Variants in TBC1D5 observed in about 807,000 individuals in gnomAD.
TBC1D5 encodes the protein TBC1 domain family, member 5.
In TBC1D5, 75 loss-of-function variants were observed where a neutral mutation model predicts 100.3. The ratio of observed to expected loss-of-function variants is 0.75; its 90% CI spans 0.62 to 0.91. The LOEUF (loss-of-function observed/expected upper bound fraction) is 0.91, where lower values mean the gene tolerates loss of function less well. Among genes scored for constraint, TBC1D5 ranks in the 40% least tolerant of loss-of-function variants. The pLI is 0.00. For missense variants in TBC1D5, 910 were observed against 942.4 expected, an observed-to-expected ratio of 0.97 and a Z score of 0.45; for synonymous variants, 323 against 325.6, an observed-to-expected ratio of 0.99 and a Z score of 0.09.
At chr3:17,663,195 G>A (rs1224745752) in intron 1 of TBC1D5, 1 of 151,562 alleles carries the variant, frequency 6.6e-6, no homozygotes, top group African/African-American at 2.4e-5. Context: ...AACTTTATTA[G>A]GTATTTTTTA....
chr3:17,461,842 T>C (rs2095216785), intron 3 of TBC1D5, among the ~76,000 whole-genome samples: 1 of 152,172 alleles, frequency 6.6e-6, no homozygotes, highest in African/African-American at 2.4e-5. Flanking sequence ...ATCCCTTTAA[T>C]TTCTCCTCCC....
intron 14 of TBC1D5, among the ~76,000 whole-genome samples, chr3:17,303,553 G>C (rs2083075899): frequency 6.6e-6 from 1 of 152,046 alleles, no homozygotes; most frequent in African/African-American, 2.4e-5. Context: ...ACAATCCCTT[G>C]GTCTTCAAGA....
intron 13 of TBC1D5, among the ~76,000 whole-genome samples, chr3:17,338,034 A>G (rs1440125505): frequency 6.6e-6 from 1 of 152,196 alleles, no homozygotes; most frequent in Non-Finnish European, 1.5e-5. Context: ...ATCCACAGAG[A>G]GGCCAAAGAA....
At chr3:17,464,435 C>G (rs897842199) in intron 3 of TBC1D5, among the ~76,000 whole-genome samples, 3 of 152,116 alleles carry the variant, frequency 2.0e-5, no homozygotes, top group African/African-American at 7.2e-5. Flanking sequence ...TTATTCTCTC[C>G]TTTCTCCTTT....
chr3:17,532,617 A>T (rs1208016835), intron 2 of TBC1D5, among the ~76,000 whole-genome samples: 5 of 152,218 alleles, frequency 3.3e-5, no homozygotes, highest in African/African-American at 4.8e-5. Flanking sequence ...CTGGATTAAG[A>T]AAATGTGGCA....
At chr3:17,230,452 A>G (rs1292057913) in intron 17 of TBC1D5, among the ~76,000 whole-genome samples, 1 of 152,144 alleles carries the variant, frequency 6.6e-6, no homozygotes, top group Non-Finnish European at 1.5e-5. Flanking sequence ...GGGCTGGCAG[A>G]AAGGTGGGAG....
At chr3:17,340,165 T>C (rs1041666134) in intron 13 of TBC1D5, among the ~76,000 whole-genome samples, 2 of 152,136 alleles carry the variant, frequency 1.3e-5, no homozygotes, top group African/African-American at 4.8e-5. Context: ...AAGAGGGAGA[T>C]AGCAAGAGTT....
intron 9 of TBC1D5, among the ~76,000 whole-genome samples, chr3:17,382,672 C>T (rs2092994237): frequency 6.6e-6 from 1 of 151,796 alleles, no homozygotes; most frequent in African/African-American, 2.4e-5. Flanking sequence ...GAGATCCTCC[C>T]ACTTCAGTCT....
intron 2 of TBC1D5, among the ~76,000 whole-genome samples, chr3:17,591,129 A>G (rs2096764968): frequency 6.7e-6 from 1 of 148,428 alleles, no homozygotes; most frequent in African/African-American, 2.5e-5. Context: ...CCAGCTACTC[A>G]GGAGGCTGAG....
intron 13 of TBC1D5, among the ~76,000 whole-genome samples, chr3:17,360,743 A>T (rs2091629308): frequency 6.6e-6 from 1 of 152,032 alleles, no homozygotes; most frequent in Non-Finnish European, 1.5e-5. Context: ...TAAAATTATG[A>T]TTAAAATTTC....
intron 13 of TBC1D5, among the ~76,000 whole-genome samples, chr3:17,341,572 TA>T (rs2151416769): frequency 6.6e-6 from 1 of 152,292 alleles, no homozygotes; most frequent in East Asian, 1.9e-4. Context: ...CAGTTACTTT[TA>T]TCAGGTCACA....
intron 2 of TBC1D5, among the ~76,000 whole-genome samples, chr3:17,583,638 A>T (rs1325582036): frequency 2.0e-5 from 3 of 152,184 alleles, no homozygotes; most frequent in Non-Finnish European, 2.9e-5. Flanking sequence ...GAGGCAAGAG[A>T]ATCGCTTGAA....
At chr3:17,241,501 G>T (rs535805842) in intron 16 of TBC1D5, among the ~76,000 whole-genome samples, 88 of 152,232 alleles carry the variant, frequency 5.8e-4, no homozygotes, top group African/African-American at 1.9e-3. Context: ...CATTACTATT[G>T]TCTATCTACT....
chr3:17,367,089 A>T (rs1040481044), intron 13 of TBC1D5, among the ~76,000 whole-genome samples: 11 of 152,298 alleles, frequency 7.2e-5, no homozygotes, highest in African/African-American at 2.2e-4. Context: ...ACAGATGCCT[A>T]TTATGTACTC....
At chr3:17,439,239 T>C (rs2094593711) in intron 3 of TBC1D5, among the ~76,000 whole-genome samples, 1 of 152,180 alleles carries the variant, frequency 6.6e-6, no homozygotes, top group African/African-American at 2.4e-5. Context: ...AATGTTAATA[T>C]TAGATATGTC....
intron 3 of TBC1D5, among the ~76,000 whole-genome samples, chr3:17,501,479 C>T (rs2095787730): frequency 6.7e-6 from 1 of 148,424 alleles, no homozygotes; most frequent in South Asian, 2.1e-4. Flanking sequence ...AAAAGTTTGC[C>T]GCCACCCTCA....
intron 2 of TBC1D5, among the ~76,000 whole-genome samples, chr3:17,545,962 T>C (rs933562710): frequency 4.6e-5 from 7 of 152,210 alleles, no homozygotes; most frequent in Admixed American, 4.6e-4. Context: ...TAGATGTATA[T>C]AACCTCAAAC....
At chr3:17,417,205 T>A (rs112759422) in intron 4 of TBC1D5, among the ~76,000 whole-genome samples, 2 of 152,172 alleles carry the variant, frequency 1.3e-5, no homozygotes, top group African/African-American at 4.8e-5. Flanking sequence ...TTAATTATTA[T>A]TATACTTTAA....
At chr3:17,590,058 C>T (rs1163720002) in intron 2 of TBC1D5, among the ~76,000 whole-genome samples, 4 of 152,142 alleles carry the variant, frequency 2.6e-5, no homozygotes, top group African/African-American at 7.2e-5. Context: ...AGCACCCACT[C>T]CCCCCTACAA....
Sources: gnomAD v4.1 joint callset for allele counts (sites outside exome capture counted in the v4.1 genomes callset) on GRCh38, gnomAD v4.1.1 for gene constraint, MANE v1.5 for transcripts, NCBI Gene and HGNC (gene_info 2026-07-23, HGNC 2026-07-21) for gene names.